Variants in DVL1 observed in about 807,000 individuals in gnomAD.
DVL1 encodes the protein dishevelled segment polarity protein 1.
A neutral mutation model predicts 65.0 loss-of-function variants in DVL1; 49 were observed. The observed-to-expected ratio is 0.75, with a 90% CI of 0.60 to 0.96. The LOEUF (loss-of-function observed/expected upper bound fraction) is 0.96. DVL1 is among the 40% of genes least tolerant of loss of function. DVL1 has a pLI of 0.00. For missense variants in DVL1, 1,197 were observed against 1,045.4 expected, an observed-to-expected ratio of 1.15 and a Z score of -2.00; for synonymous variants, 608 against 433.9, an observed-to-expected ratio of 1.40 and a Z score of -4.99.
intron 1 of DVL1, among the ~76,000 whole-genome samples, chr1:1,344,666 A>G (rs1643892184): frequency 6.6e-6 from 1 of 152,104 alleles, no homozygotes; most frequent in East Asian, 1.9e-4. Flanking sequence ...CCCACACAGG[A>G]GCCTTCCCAG....
rs752252677 is a variant in DVL1 at position 1,342,418 on chromosome 1, G to A, written c.307C>T (p.Pro103Ser). The change falls in exon 3 of 15, where the codon CCC (proline) becomes TCC (serine). Residue 103 changes from proline (P) to serine (S), a missense_variant. Transcript: ENST00000378888. ...CCGCCTGTCCGCTCAAGAGGCGGGG[G>A]CAGGTCTGTGTGGCTGTCCGTGCCC... ...SQGTDSHTDL[P>S]PPLERTGGIG... 6.3e-7 allele frequency: 1 copy of A among 1,595,070 alleles called. No individual in the cohort carries two copies. The highest frequency in any genetic ancestry group is 2.3e-5 in the East Asian group (1 of 44,242).
At chr1:1,339,999 C>G (rs1488418835) in intron 8 of DVL1, 39 bp downstream of exon 8, 3 of 1,595,206 alleles carry the variant, frequency 1.9e-6, no homozygotes, top group South Asian at 1.1e-5. Context: ...ACGGACCCAC[C>G]CGCAGCTACA....
At chr1:1,337,945 CG>C (rs775680911) in intron 14 of DVL1, 31 bp downstream of exon 14, 4 of 1,580,784 alleles carry the variant, frequency 2.5e-6, no homozygotes, top group African/African-American at 2.7e-5. Flanking sequence ...GGGGCGGAGC[CG>C]GGGAAGGGCA....
Position 1,338,529 on chromosome 1 carries a change from G to C in DVL1, c.1332C>G (p.Ala444=). The stretch of plus-strand genomic sequence containing the variant: ...GCGGGGACGGCCACTCACCGATGAC[G>C]GCATTGGCGATGGTGATCTTGAGCC... ...RMWLKITIAN[A]VIGADVVDWL... is the part of the protein sequence containing the mutation. Residue 444 remains alanine (A), a synonymous_variant, in exon 12 of 15, where the codon GCC becomes GCG. Transcript: ENST00000378888. The C allele has an allele frequency of 6.2e-7, 1 of 1,612,526 alleles. No homozygotes were observed. The highest frequency in any genetic ancestry group is 2.2e-5 in the East Asian group (1 of 44,884).
chr1:1,342,401 C>G lies in DVL1; in HGVS notation c.324G>C (p.Arg108=), dbSNP rs772052845. ...GCCGGGAGTCCCCGATGCCGCCTGT[C>G]CGCTCAAGAGGCGGGGGCAGGTCTG... The part of the protein sequence containing the change: ...SHTDLPPPLE[R]TGGIGDSRPP... Residue 108 remains arginine (R), a synonymous_variant, in exon 3 of 15, where the codon CGG becomes CGC. Transcript: ENST00000378888. 6.3e-7 allele frequency: 1 copy of G among 1,596,296 alleles called. No individual in the cohort carries two copies. The highest frequency in any genetic ancestry group is 8.5e-7 in the Non-Finnish European group (1 of 1,172,750).
chr1:1,337,203 C>T (rs564442229), intron 14 of DVL1: 2 of 534,092 alleles, frequency 3.7e-6, no homozygotes, highest in African/African-American at 4.1e-5. Context: ...CAGTAGACAC[C>T]CAGCGTGGCT....
chr1:1,346,849 T>C (rs1643921485), intron 1 of DVL1, among the ~76,000 whole-genome samples: 2 of 152,186 alleles, frequency 1.3e-5, no homozygotes, highest in African/African-American at 4.8e-5. Context: ...ACCTGCCTTC[T>C]CTTCCCCCCA....
chr1:1,340,670 T>C (rs982781061), intron 5 of DVL1, among the ~76,000 whole-genome samples, 167 bp from the exon 6 acceptor site: 3 of 152,078 alleles, frequency 2.0e-5, no homozygotes, highest in African/African-American at 7.2e-5. Flanking sequence ...GATATGCATA[T>C]GAGCACACAC....
Position 1,335,344 on chromosome 1 carries a change from T to C in DVL1, c.*798A>G, listed in dbSNP as rs1324542352. The C allele has an allele frequency of 6.6e-6, 1 of 152,324 alleles. No homozygotes were observed. Among genetic ancestry groups the C allele is most frequent in the African/African-American group, 2.4e-5 (1 of 41,458 alleles). The allele number at this position is 152,324 out of a possible 1,614,324, so 9.4% of individuals were successfully genotyped here. Reference sequence around the variant, plus strand: ...CATTTACACAGAAGCAGCTCTATGTTAACCATCTAAACGCTGGGACTTTGA... The same window carrying C: ...CATTTACACAGAAGCAGCTCTATGTCAACCATCTAAACGCTGGGACTTTGA... On this transcript the variant is annotated 3_prime_UTR_variant, in exon 15 of 15. Transcript: ENST00000378888.
At chr1:1,348,758 G>A (rs941838938) in intron 1 of DVL1, 138 bp downstream of exon 1, 61 of 697,740 alleles carry the variant, frequency 8.7e-5, no homozygotes, top group Non-Finnish European at 9.8e-5. Context: ...CGCCACCCGC[G>A]CCGCATCTAG....
In DVL1 at chr1:1,340,523, G is replaced by A. The variant is rs371107250; in HGVS notation, c.606-20C>T. On this transcript the variant is annotated intron_variant, in intron 5 of 14. Transcript: ENST00000378888. ...CTGAGCCTGGGAACAGACTGTCAGA[G>A]CTCAGAGGAGCTGGAGACATGGGTA... 6.3e-7 allele frequency: 1 copy of A among 1,580,758 alleles called. No individual in the cohort carries two copies. The highest frequency in any genetic ancestry group is 8.6e-7 in the Non-Finnish European group (1 of 1,163,096).
chr1:1,340,171 T>C lies in DVL1; in HGVS notation c.776A>G (p.His259Arg), dbSNP rs1429126074. 8.1e-6 allele frequency: 13 copies of C among 1,613,470 alleles called. No individual in the cohort carries two copies. The highest frequency in any genetic ancestry group is 4.0e-5 in the African/African-American group (3 of 74,862). ...CACGATGCTGATGCCCAGAAAGTGATGTCTTTCTGCAGGAAGAGCCATGAG... is the reference window on the plus strand; with the variant it reads ...CACGATGCTGATGCCCAGAAAGTGACGTCTTTCTGCAGGAAGAGCCATGAG... The part of the protein sequence containing the change: ...IVTVTLNMER[H>R]HFLGISIVGQ... The change falls in exon 8 of 15, where the codon CAT (histidine) becomes CGT (arginine). Residue 259 changes from histidine to arginine, a missense_variant. Transcript: ENST00000378888.
chr1:1,347,333 C>T (rs1643930782), intron 1 of DVL1, among the ~76,000 whole-genome samples: 1 of 152,218 alleles, frequency 6.6e-6, no homozygotes, highest in East Asian at 1.9e-4. Context: ...CAGACCTGCC[C>T]ACCCTGTTCC....
intron 11 of DVL1, among the ~76,000 whole-genome samples, 172 bp downstream of exon 11, chr1:1,339,115 C>G (rs1265793927): frequency 6.6e-6 from 1 of 152,250 alleles, no homozygotes; most frequent in Non-Finnish European, 1.5e-5. Flanking sequence ...GCAGGATGGG[C>G]TGCACAAGGT....
chr1:1,344,530 G>A (rs941789760), intron 1 of DVL1, among the ~76,000 whole-genome samples: 3 of 152,148 alleles, frequency 2.0e-5, no homozygotes, highest in Non-Finnish European at 4.4e-5. Context: ...GGTGGGAGCA[G>A]GGACCCCTAC....
chr1:1,337,659 C>G (rs1015845598), intron 14 of DVL1: 2 of 524,370 alleles, frequency 3.8e-6, no homozygotes, highest in Non-Finnish European at 3.5e-6. Flanking sequence ...CTGGAGGCCC[C>G]TCATCCCAAT....
chr1:1,336,968 G>A (rs770832092), intron 14 of DVL1: 324 of 986,756 alleles, frequency 3.3e-4, no homozygotes, highest in East Asian at 4.4e-4. Context: ...GCTGGAGGGC[G>A]TGGCTGGCTG....
In DVL1 at chr1:1,348,976, C is replaced by A; in HGVS notation, c.90G>T (p.Leu30=). ...KLPVAPERVT[L]ADFKNVLSNR... Reference sequence around the variant, plus strand: ...TGCTGAGCACGTTCTTGAAGTCGGCCAGCGTGACGCGCTCGGGGGCCACGG... The same window carrying A: ...TGCTGAGCACGTTCTTGAAGTCGGCAAGCGTGACGCGCTCGGGGGCCACGG... The change falls in exon 1 of 15, where the codon CTG becomes CTT. Residue 30 remains leucine, a synonymous_variant. Transcript: ENST00000378888. 1 of 1,577,046 alleles carries A rather than the reference C, an allele frequency of 6.3e-7. No homozygotes were observed. Among genetic ancestry groups the A allele is most frequent in the East Asian group, 2.4e-5 (1 of 41,338 alleles).
intron 14 of DVL1, 32 bp from the exon 15 acceptor site, chr1:1,336,547 T>C (rs756439231): frequency 6.7e-7 from 1 of 1,484,236 alleles, no homozygotes; most frequent in Non-Finnish European, 8.9e-7. Context: ...GGAAGGAGCC[T>C]GTCAGCACCA....
Sources: gnomAD v4.1 joint callset for allele counts (sites outside exome capture counted in the v4.1 genomes callset) on GRCh38, gnomAD v4.1.1 for gene constraint, MANE v1.5 for transcripts, NCBI Gene and HGNC (gene_info 2026-07-23, HGNC 2026-07-21) for gene names.